SEL1L2: variants seen among roughly 807,000 people sequenced by gnomAD.
The protein encoded by SEL1L2 is protein sel-1 homolog 2.
Under a neutral mutation model 98.8 loss-of-function variants are expected in SEL1L2, and 89 were observed. The observed-to-expected ratio is 0.90, with a 90% CI of 0.76 to 1.07. SEL1L2 has a LOEUF of 1.07. Ranked by LOEUF, SEL1L2 falls within the 50% of genes least tolerant of loss-of-function variation. The probability of loss-of-function intolerance (pLI) is 0.00; values close to 1 mark genes in which losing one functional copy is unlikely to be tolerated. For missense variants in SEL1L2, 788 were observed against 812.0 expected (o/e 0.97, Z 0.36); for synonymous variants, 262 against 278.5 (o/e 0.94, Z 0.59).
chr20:13,856,239 C>T (rs774166680), intron 18 of SEL1L2, among the ~76,000 whole-genome samples: 6 of 152,070 alleles, frequency 3.9e-5, no homozygotes, highest in Admixed American at 6.5e-5. Context: ...AAGCTATTCT[C>T]GTGCCTCAGC....
intron 1 of SEL1L2, among the ~76,000 whole-genome samples, chr20:13,978,562 T>C (rs2051654953): frequency 6.6e-6 from 1 of 152,164 alleles, no homozygotes; most frequent in Non-Finnish European, 1.5e-5. Flanking sequence ...CCTACTACTA[T>C]TTATCCAAAG....
intron 5 of SEL1L2, among the ~76,000 whole-genome samples, chr20:13,895,482 T>C (rs932121101): frequency 2.2e-5 from 3 of 137,826 alleles, no homozygotes; most frequent in Non-Finnish European, 4.7e-5. Context: ...GTTACCATAA[T>C]ACAACACATT....
chr20:13,925,907 C>T (rs2048870509), intron 3 of SEL1L2, among the ~76,000 whole-genome samples: 1 of 152,208 alleles, frequency 6.6e-6, no homozygotes, highest in Admixed American at 6.5e-5. Context: ...AGTTAACTTA[C>T]ATAAAACTGT....
chr20:13,947,615 G>GC lies in SEL1L2; in HGVS notation c.114+8460dup, dbSNP rs1212586327. Among the ~76,000 whole-genome samples, 5 of 152,214 alleles carry GC rather than the reference G, an allele frequency of 3.3e-5. No homozygotes were observed. The South Asian group carries it at 1.0e-3, about 32-fold the overall frequency. Reference sequence around the variant, plus strand: ...TGTAACACAAAAAGGGCTAAAACATGCCCCCCACACTGCAGGCAATGAGAA... The same window carrying GC: ...TGTAACACAAAAAGGGCTAAAACATGCCCCCCCACACTGCAGGCAATGAGAA... On this transcript the variant is annotated intron_variant, in intron 2 of 19. Transcript: ENST00000284951.
chr20:13,897,124 T>A (rs961303326), intron 5 of SEL1L2, among the ~76,000 whole-genome samples: 2 of 152,200 alleles, frequency 1.3e-5, no homozygotes, highest in East Asian at 3.8e-4. Flanking sequence ...GGTCAAATGA[T>A]CTTTGACAAG....
chr20:13,941,150 C>T (rs2049757881), intron 2 of SEL1L2, among the ~76,000 whole-genome samples: 1 of 152,092 alleles, frequency 6.6e-6, no homozygotes, highest in African/African-American at 2.4e-5. Flanking sequence ...AAAACAGGAC[C>T]TTCAACAGAA....
In SEL1L2 at chr20:13,919,015, A is replaced by T; in HGVS notation, c.386+6T>A. The T allele has an allele frequency of 6.3e-7, 1 of 1,595,482 alleles. No homozygotes were observed. The highest frequency in any genetic ancestry group is 8.6e-7 in the Non-Finnish European group (1 of 1,165,424). On this transcript the variant is annotated splice_donor_region_variant and intron_variant, in intron 4 of 19. Coordinates refer to ENST00000284951, the MANE Select transcript of SEL1L2 (RefSeq NM_025229.2). ...ACTTGGCTAAGGTCACTGGATAAAGACTTACTCTTCTTTTTGTTTTTGGCT... is the reference window on the plus strand; with the variant it reads ...ACTTGGCTAAGGTCACTGGATAAAGTCTTACTCTTCTTTTTGTTTTTGGCT...
chr20:13,964,830 G>C (rs2050965064), intron 1 of SEL1L2, among the ~76,000 whole-genome samples: 1 of 151,842 alleles, frequency 6.6e-6, no homozygotes, highest in African/African-American at 2.4e-5. Context: ...GGCCAGTAAT[G>C]ACCTCTTTTT....
chr20:13,922,450 T>G (rs1176271094), intron 3 of SEL1L2, among the ~76,000 whole-genome samples: 1 of 152,176 alleles, frequency 6.6e-6, no homozygotes, highest in African/African-American at 2.4e-5. Flanking sequence ...TTCTTCCACA[T>G]CTAGGATTGT....
intron 1 of SEL1L2, among the ~76,000 whole-genome samples, chr20:13,982,565 A>G (rs2035444364): frequency 6.6e-6 from 1 of 151,690 alleles, no homozygotes; most frequent in Admixed American, 6.6e-5. Flanking sequence ...TATCATTGTA[A>G]ACAAAAAATT....
At chr20:13,887,699 CTGT>C in intron 8 of SEL1L2, 67 bp downstream of exon 8, 2 of 947,540 alleles carry the variant, frequency 2.1e-6, no homozygotes, top group Non-Finnish European at 3.4e-6. Flanking sequence ...ATCAATTGAA[CTGT>C]TATTGATTTA....
At chr20:13,856,662 C>T (rs1365004766) in intron 18 of SEL1L2, among the ~76,000 whole-genome samples, 1 of 152,056 alleles carries the variant, frequency 6.6e-6, no homozygotes, top group Admixed American at 6.5e-5. Flanking sequence ...ATCATCGCAG[C>T]CCCAACTTCC....
At chr20:13,946,738 C>T (rs930724279) in intron 2 of SEL1L2, among the ~76,000 whole-genome samples, 1 of 152,152 alleles carries the variant, frequency 6.6e-6, no homozygotes, top group Non-Finnish European at 1.5e-5. Context: ...GCGAGAAACC[C>T]TCCCATCCCG....
chr20:13,865,112 T>C, intron 17 of SEL1L2, 55 bp downstream of exon 17: 2 of 1,391,896 alleles, frequency 1.4e-6, no homozygotes, highest in Non-Finnish European at 2.0e-6. Flanking sequence ...GCAAACGTGA[T>C]GAATAACAGA....
At chr20:13,913,124 AACTTT>A (rs2048271801) in intron 5 of SEL1L2, among the ~76,000 whole-genome samples, 1 of 152,228 alleles carries the variant, frequency 6.6e-6, no homozygotes, top group Non-Finnish European at 1.5e-5. Flanking sequence ...GCTTTTAGAA[AACTTT>A]ACTTTCTTTT....
intron 3 of SEL1L2, among the ~76,000 whole-genome samples, chr20:13,919,570 C>G (rs1233970774): frequency 6.6e-6 from 1 of 152,054 alleles, no homozygotes; most frequent in Non-Finnish European, 1.5e-5. Flanking sequence ...ACATGGGCAA[C>G]AGGCATCTCC....
intron 17 of SEL1L2, among the ~76,000 whole-genome samples, chr20:13,862,630 C>T (rs1358415840): frequency 1.3e-5 from 2 of 151,962 alleles, no homozygotes; most frequent in Non-Finnish European, 2.9e-5. Context: ...ATACCATGAG[C>T]CTTCTTTAAG....
chr20:13,880,982 G>C (rs771216986), intron 10 of SEL1L2, among the ~76,000 whole-genome samples: 44 of 152,120 alleles, frequency 2.9e-4, no homozygotes, highest in Non-Finnish European at 5.6e-4. Flanking sequence ...GAAATGCCAA[G>C]AAAATGTACT....
rs747948529 is a variant in SEL1L2 at position 13,929,487 on chromosome 20, C to CTTTTTTTT, written c.283+2108_283+2115dup. 2.6e-4 allele frequency among the ~76,000 whole-genome samples: 19 copies of CTTTTTTTT among 73,318 alleles called. 5 individuals are homozygous for CTTTTTTTT. The highest frequency in any genetic ancestry group is 1.1e-3 in the East Asian group (2 of 1,862). 48.1% of individuals were successfully genotyped at this position (73,318 alleles called of 152,430 possible). Reference sequence around the variant, plus strand: ...TTGGATATCCTCTAATTGCCTTTGCCTTTTTTTTTTTTTTTTTTTTTTTTT... The same window carrying CTTTTTTTT: ...TTGGATATCCTCTAATTGCCTTTGCCTTTTTTTTTTTTTTTTTTTTTTTTTTTTTTTTT... On this transcript the variant is annotated intron_variant, in intron 3 of 19. Coordinates refer to ENST00000284951, the MANE Select transcript of SEL1L2 (RefSeq NM_025229.2).
Sources: allele counts gnomAD v4.1 joint callset (sites outside exome capture counted in the v4.1 genomes callset), GRCh38; gene constraint gnomAD v4.1.1; transcripts MANE v1.5; gene names NCBI Gene and HGNC (gene_info 2026-07-23, HGNC 2026-07-21).